ARHGAP26: variants seen among roughly 807,000 people sequenced by gnomAD.
ARHGAP26 encodes the protein Rho GTPase activating protein 26, also known as rho GTPase-activating protein 26.
Under a neutral mutation model 104.8 loss-of-function variants are expected in ARHGAP26, and 38 were observed. The ratio of observed to expected loss-of-function variants is 0.36; its 90% CI spans 0.28 to 0.48. ARHGAP26 has a LOEUF of 0.48. Among genes scored for constraint, ARHGAP26 ranks in the 20% least tolerant of loss-of-function variants. ARHGAP26 has a pLI of 0.99. For missense variants in ARHGAP26, 704 were observed against 947.9 expected (o/e 0.74, Z 3.38); for synonymous variants, 341 against 340.0 (o/e 1.00, Z -0.03).
intron 11 of ARHGAP26, among the ~76,000 whole-genome samples, chr5:143,009,532 A>C (rs1778444389): frequency 3.3e-5 from 5 of 152,218 alleles, no homozygotes. Flanking sequence ...GACAATGCAC[A>C]CAGAATGCTT....
chr5:143,059,597 T>A (rs1014875263), intron 17 of ARHGAP26, among the ~76,000 whole-genome samples: 2 of 152,226 alleles, frequency 1.3e-5, no homozygotes, highest in African/African-American at 4.8e-5. Flanking sequence ...AGTCCATCCT[T>A]GTTACTAACC....
At chr5:143,088,953 G>A (rs573242449) in intron 17 of ARHGAP26, among the ~76,000 whole-genome samples, 1 of 152,252 alleles carries the variant, frequency 6.6e-6, no homozygotes, top group African/African-American at 2.4e-5. Flanking sequence ...GGTGGAGCAG[G>A]TAATTGGAAT....
At chr5:143,007,622 C>A (rs1300223106) in intron 11 of ARHGAP26, among the ~76,000 whole-genome samples, 1 of 152,158 alleles carries the variant, frequency 6.6e-6, no homozygotes, top group Non-Finnish European at 1.5e-5. Flanking sequence ...CTGCCTAAAT[C>A]GAATCCTGGC....
intron 1 of ARHGAP26, among the ~76,000 whole-genome samples, chr5:142,823,267 G>A (rs992967935): frequency 6.6e-6 from 1 of 152,210 alleles, no homozygotes; most frequent in Admixed American, 6.5e-5. Context: ...CCTGTAGAAA[G>A]GGATAGGAAG....
intron 1 of ARHGAP26, among the ~76,000 whole-genome samples, chr5:142,781,753 C>T (rs1757536731): frequency 6.6e-6 from 1 of 152,136 alleles, no homozygotes; most frequent in Admixed American, 6.6e-5. Context: ...TCTCTGTTGC[C>T]CAGGCTGGAG....
At chr5:143,044,359 C>T (rs553844138) in intron 14 of ARHGAP26, among the ~76,000 whole-genome samples, 11 of 152,280 alleles carry the variant, frequency 7.2e-5, no homozygotes, top group Middle Eastern at 3.4e-3. Context: ...GCTTTGTTCT[C>T]TGTGGGAGTG....
intron 19 of ARHGAP26, among the ~76,000 whole-genome samples, chr5:143,142,872 G>A (rs1394156581): frequency 6.6e-6 from 1 of 152,150 alleles, no homozygotes; most frequent in East Asian, 1.9e-4. Flanking sequence ...GTAGGAGAAA[G>A]TACACCTCTC....
intron 11 of ARHGAP26, among the ~76,000 whole-genome samples, chr5:142,965,235 A>T (rs1375836978): frequency 6.6e-6 from 1 of 152,234 alleles, no homozygotes; most frequent in Non-Finnish European, 1.5e-5. Flanking sequence ...ACAGCATCAC[A>T]GGGAGACGGT....
intron 17 of ARHGAP26, among the ~76,000 whole-genome samples, chr5:143,085,812 T>G (rs1172796376): frequency 6.6e-6 from 1 of 152,222 alleles, no homozygotes; most frequent in East Asian, 1.9e-4. Context: ...ACAAACCTCC[T>G]TAACCGAAAG....
intron 11 of ARHGAP26, among the ~76,000 whole-genome samples, chr5:143,000,381 T>A (rs920201003): frequency 8.5e-5 from 13 of 152,206 alleles, no homozygotes; most frequent in African/African-American, 3.1e-4. Flanking sequence ...TAGGTGTCCA[T>A]CAACAGAGGA....
At chr5:143,084,484 A>G (rs1300278346) in intron 17 of ARHGAP26, among the ~76,000 whole-genome samples, 1 of 152,210 alleles carries the variant, frequency 6.6e-6, no homozygotes, top group Non-Finnish European at 1.5e-5. Flanking sequence ...GAGCAGGGGA[A>G]GGTTTATGGC....
intron 11 of ARHGAP26, among the ~76,000 whole-genome samples, chr5:142,937,530 A>T (rs530677031): frequency 6.6e-6 from 1 of 152,228 alleles, no homozygotes; most frequent in Non-Finnish European, 1.5e-5. Flanking sequence ...TGACACAGCA[A>T]TTGCTCTGGG....
At chr5:143,038,020 A>G (rs1341280212) in intron 13 of ARHGAP26, among the ~76,000 whole-genome samples, 2 of 152,264 alleles carry the variant, frequency 1.3e-5, no homozygotes, top group Non-Finnish European at 2.9e-5. Context: ...AGAGACAGCC[A>G]CAAAGGAGAT....
intron 11 of ARHGAP26, among the ~76,000 whole-genome samples, chr5:143,007,752 C>A (rs1341383827): frequency 6.6e-6 from 1 of 152,216 alleles, no homozygotes; most frequent in Admixed American, 6.5e-5. Context: ...CGTTTAAACG[C>A]TTAGTATGGT....
intron 17 of ARHGAP26, among the ~76,000 whole-genome samples, chr5:143,114,466 G>C (rs1266400137): frequency 6.6e-6 from 1 of 152,156 alleles, no homozygotes; most frequent in African/African-American, 2.4e-5. Context: ...TAGATTTAAG[G>C]CTGGTGAAAA....
intron 11 of ARHGAP26, among the ~76,000 whole-genome samples, chr5:142,947,683 C>G (rs1037053834): frequency 6.6e-6 from 1 of 152,116 alleles, no homozygotes; most frequent in Non-Finnish European, 1.5e-5. Flanking sequence ...GTTAACTAGT[C>G]TATACTCAAG....
Position 142,863,920 on chromosome 5 carries a change from C to T in ARHGAP26, c.155-9480C>T, listed in dbSNP as rs141090121. Among the ~76,000 whole-genome samples the T allele has an allele frequency of 3.1e-3, 465 of 152,234 alleles. 4 individuals carry two copies. Among genetic ancestry groups the T allele is most frequent in the African/African-American group, 0.01 (429 of 41,530 alleles). The stretch of plus-strand genomic sequence containing the variant: ...TCCCAGCCCCACTGCCTCCTATCTG[C>T]GCACCTGCTTGGTGTTGAGCAGAAC... On this transcript the variant is annotated intron_variant, in intron 1 of 22. Coordinates refer to ENST00000645722, the MANE Select transcript of ARHGAP26 (RefSeq NM_001135608.3).
At chr5:143,042,550 G>A (rs1187871932) in intron 14 of ARHGAP26, among the ~76,000 whole-genome samples, 1 of 152,180 alleles carries the variant, frequency 6.6e-6, no homozygotes. Context: ...TGTATTTTTA[G>A]ATATGAGTGC....
At chr5:142,912,818 G>C (rs1427292237) in intron 9 of ARHGAP26, among the ~76,000 whole-genome samples, 4 of 152,170 alleles carry the variant, frequency 2.6e-5, no homozygotes, top group Non-Finnish European at 5.9e-5. Context: ...TTCTGATCCA[G>C]GAAGATTTTT....
Sources: gnomAD v4.1 joint callset for allele counts (sites outside exome capture counted in the v4.1 genomes callset) on GRCh38, gnomAD v4.1.1 for gene constraint, MANE v1.5 for transcripts, NCBI Gene and HGNC (gene_info 2026-07-23, HGNC 2026-07-21) for gene names.